ANKRD12: variants seen among roughly 807,000 people sequenced by gnomAD.
ANKRD12 encodes ankyrin repeat domain 12.
In ANKRD12, 85 loss-of-function variants were observed where a neutral mutation model predicts 183.4. The observed-to-expected ratio is 0.46, with a 90% CI of 0.39 to 0.56. ANKRD12 has a LOEUF of 0.56. Among genes scored for constraint, ANKRD12 ranks in the 20% least tolerant of loss-of-function variants. The probability of loss-of-function intolerance (pLI) is 0.00; values close to 1 mark genes in which losing one functional copy is unlikely to be tolerated. For synonymous variants in ANKRD12, 914 were observed against 800.2 expected (o/e 1.14, Z -2.40); for missense variants, 2,405 against 2,357.1 (o/e 1.02, Z -0.42).
At chr18:9,238,689 T>A (rs1248340673) in intron 8 of ANKRD12, among the ~76,000 whole-genome samples, 1 of 152,240 alleles carries the variant, frequency 6.6e-6, no homozygotes, top group Non-Finnish European at 1.5e-5. Context: ...CATAATTGAC[T>A]CCTGTCAATT....
Position 9,281,257 on chromosome 18 carries a change from T to A in ANKRD12, c.*131T>A. 1 of 653,742 alleles carries A rather than the reference T, an allele frequency of 1.5e-6. No individual in the cohort carries two copies. The highest frequency in any genetic ancestry group is 2.5e-6 in the Non-Finnish European group (1 of 397,296). The allele number at this position is 653,742 out of a possible 1,614,324, so 40.5% of individuals were successfully genotyped here. A position where few individuals can be genotyped will look rare whatever the true frequency, so the allele number is the denominator to read the frequency against. On this transcript the variant is annotated 3_prime_UTR_variant, in exon 13 of 13. Transcript: ENST00000262126. ...TAAAGTTCGATTATAGTTGGTTATG[T>A]AGTAAACACTGTCATTTTATAAAAA...
chr18:9,261,969 A>C (rs2038993570), intron 9 of ANKRD12, among the ~76,000 whole-genome samples: 1 of 152,240 alleles, frequency 6.6e-6, no homozygotes, highest in African/African-American at 2.4e-5. Context: ...ACTCATGCTA[A>C]GTTTAAAGCA....
chr18:9,250,355 G>C (rs1196194648), intron 8 of ANKRD12: 2 of 152,256 alleles, frequency 1.3e-5, no homozygotes, highest in East Asian at 1.9e-4. Flanking sequence ...TGTTTAAGGT[G>C]ATCTAGCCAA....
intron 1 of ANKRD12, among the ~76,000 whole-genome samples, chr18:9,149,978 G>A (rs1475303222): frequency 3.3e-5 from 5 of 151,634 alleles, no homozygotes; most frequent in South Asian, 2.1e-4. Flanking sequence ...TGTATTTTTG[G>A]TAGAGACGGG....
chr18:9,209,841 CTTTGTCCTTAAAGTA>C (rs2035687973), intron 5 of ANKRD12, among the ~76,000 whole-genome samples: 1 of 152,040 alleles, frequency 6.6e-6, no homozygotes, highest in South Asian at 2.1e-4. Flanking sequence ...TAGCGTGAAC[CTTTGTCCTTAAAGTA>C]AATTAAAAGA....
intron 8 of ANKRD12, among the ~76,000 whole-genome samples, chr18:9,228,741 A>G (rs562358752): frequency 3.3e-5 from 5 of 152,168 alleles, no homozygotes; most frequent in Admixed American, 6.5e-5. Flanking sequence ...GTAATTTGCA[A>G]ATATTTTCTC....
chr18:9,275,092 G>A (rs1314404393), intron 10 of ANKRD12, among the ~76,000 whole-genome samples: 1 of 152,164 alleles, frequency 6.6e-6, no homozygotes, highest in Admixed American at 6.5e-5. Flanking sequence ...TCAGAAGGCT[G>A]AGGTGGAAAG....
intron 1 of ANKRD12, among the ~76,000 whole-genome samples, chr18:9,143,988 C>T (rs1003371324): frequency 1.6e-4 from 25 of 152,180 alleles, no homozygotes; most frequent in African/African-American, 5.8e-4. Context: ...TTAATCTATA[C>T]TTACATAGAT....
chr18:9,145,264 A>C (rs1023230201), intron 1 of ANKRD12, among the ~76,000 whole-genome samples: 2 of 152,202 alleles, frequency 1.3e-5, no homozygotes, highest in Admixed American at 1.3e-4. Context: ...CTGGGATTGC[A>C]GGCATATGCC....
Position 9,258,932 on chromosome 18 carries a change from G to C in ANKRD12, c.5664+1G>C. On this transcript the variant is annotated splice_donor_variant, in intron 9 of 12. Transcript: ENST00000262126. LOFTEE classifies it high-confidence loss of function. ...CTTAAGCAAGATTTGTATTCCCACAGTAAGTAACATCATCACTTGCTATAC... is the reference window on the plus strand; with the variant it reads ...CTTAAGCAAGATTTGTATTCCCACACTAAGTAACATCATCACTTGCTATAC... 1 of 1,596,668 alleles carries C rather than the reference G, an allele frequency of 6.3e-7. No individual in the cohort carries two copies. The highest frequency in any genetic ancestry group is 8.5e-7 in the Non-Finnish European group (1 of 1,171,188).
chr18:9,143,310 C>CT (rs2078383245), intron 1 of ANKRD12, among the ~76,000 whole-genome samples: 1 of 152,162 alleles, frequency 6.6e-6, no homozygotes, highest in African/African-American at 2.4e-5. Context: ...AAGTCTGTTA[C>CT]TTTGAGAAAT....
At chr18:9,143,088 C>G (rs1335194580) in intron 1 of ANKRD12, among the ~76,000 whole-genome samples, 1 of 152,182 alleles carries the variant, frequency 6.6e-6, no homozygotes, top group East Asian at 1.9e-4. Flanking sequence ...ATTCTCACTA[C>G]TTGGAAGTTA....
chr18:9,142,318 C>T (rs560436629), intron 1 of ANKRD12, among the ~76,000 whole-genome samples: 1 of 152,334 alleles, frequency 6.6e-6, no homozygotes, highest in African/African-American at 2.4e-5. Context: ...AACCTCACAG[C>T]TCAGTAGCAG....
Position 9,255,902 on chromosome 18 carries a change from GA to G in ANKRD12, c.2640del (p.Lys880AsnfsTer43), listed in dbSNP as rs1251563146. Reference sequence around the variant, plus strand: ...GGACAAGCTATATTCGCATCACACAGAAAAATGCCATAAAGAAGGTGAGAAG... The same window carrying G: ...GGACAAGCTATATTCGCATCACACAGAAAATGCCATAAAGAAGGTGAGAAG... ...EKDKLYSHHTEKCHKEGEKSK... is the reference protein window; with the variant it reads ...EKDKLYSHHTXKCHKEGEKSK... On this transcript the variant is annotated frameshift_variant, in exon 9 of 13. Transcript: ENST00000262126. LOFTEE classifies it high-confidence loss of function. 3 of 1,594,068 alleles carry G rather than the reference GA, an allele frequency of 1.9e-6. No individual in the cohort carries two copies. Among genetic ancestry groups the G allele is most frequent in the Non-Finnish European group, 1.7e-6 (2 of 1,174,680 alleles).
Position 9,173,051 on chromosome 18 carries a change from C to G in ANKRD12, c.-51-9331C>G, listed in dbSNP as rs1044630263. Reference sequence around the variant, plus strand: ...GGATTATAGGCGTGAGCCACTCTGCCCAGCTGAGGTTGCTGATTTTTTTTT... The same window carrying G: ...GGATTATAGGCGTGAGCCACTCTGCGCAGCTGAGGTTGCTGATTTTTTTTT... On this transcript the variant is annotated intron_variant, in intron 1 of 12. Coordinates refer to ENST00000262126, the MANE Select transcript of ANKRD12 (RefSeq NM_015208.5). Among the ~76,000 whole-genome samples, 7 of 151,416 alleles carry G rather than the reference C, an allele frequency of 4.6e-5. No individual in the cohort carries two copies. In the East Asian group the frequency reaches 1.4e-3, roughly 29 times the overall value.
intron 8 of ANKRD12, among the ~76,000 whole-genome samples, chr18:9,234,424 G>A (rs1436844541): frequency 6.6e-6 from 1 of 152,162 alleles, no homozygotes; most frequent in Non-Finnish European, 1.5e-5. Flanking sequence ...CTGTATGCAG[G>A]GAGCTCTGGG....
At position 9,195,532 on chromosome 18, in the gene ANKRD12, C is replaced by T; in HGVS notation, c.88-19C>T. On this transcript the variant is annotated intron_variant, in intron 2 of 12. Coordinates refer to ENST00000262126, the MANE Select transcript of ANKRD12 (RefSeq NM_015208.5). The stretch of plus-strand genomic sequence containing the variant: ...TAGCTAATATTGATATAACTTTACT[C>T]TATTTGACTTTTTAATAGAGTAAAG... 6.4e-7 allele frequency: 1 copy of T among 1,565,970 alleles called. No individual in the cohort carries two copies. Among genetic ancestry groups the T allele is most frequent in the East Asian group, 2.3e-5 (1 of 43,260 alleles).
At position 9,254,381 on chromosome 18, in the gene ANKRD12, A is replaced by T; in HGVS notation, c.1114A>T (p.Asn372Tyr). 6.2e-7 allele frequency: 1 copy of T among 1,609,200 alleles called. No individual in the cohort carries two copies. Among genetic ancestry groups the T allele is most frequent in the Non-Finnish European group, 8.5e-7 (1 of 1,178,424 alleles). ...CAAAGATGATGATGATGAAGAAATT[A>T]ATAAGATGATTGATGATAGGCATAT... The part of the protein sequence containing the change: ...EFKDDDDEEI[N>Y]KMIDDRHILR... The change falls in exon 9 of 13, where the codon AAT (asparagine) becomes TAT (tyrosine). Residue 372 changes from asparagine to tyrosine, a missense_variant. By Grantham distance (143) the Asn-to-Tyr change is moderately radical. Around this residue, in one of 7 missense-constraint regions of ANKRD12, gnomAD observed 1,983 missense variants for 1,725.9 expected, o/e 1.15. Transcript: ENST00000262126.
chr18:9,208,995 A>G (rs1222940927), intron 5 of ANKRD12, among the ~76,000 whole-genome samples, 192 bp downstream of exon 5: 2 of 152,220 alleles, frequency 1.3e-5, no homozygotes, highest in Non-Finnish European at 2.9e-5. Context: ...CTGCTAAAGT[A>G]GAAGCTATAC....
Sources: allele counts gnomAD v4.1 joint callset (sites outside exome capture counted in the v4.1 genomes callset), GRCh38; gene constraint gnomAD v4.1.1; regional missense constraint gnomAD v4.1.1; transcripts MANE v1.5; gene names NCBI Gene and HGNC (gene_info 2026-07-23, HGNC 2026-07-21).